CSGALNACT1: variants seen among roughly 807,000 people sequenced by gnomAD.
CSGALNACT1 encodes the protein beta4GalNAcT-1.
Under a neutral mutation model 51.0 loss-of-function variants are expected in CSGALNACT1, and 52 were observed. The observed-to-expected ratio is 1.02, with a 90% CI of 0.82 to 1.29. The LOEUF (loss-of-function observed/expected upper bound fraction) is 1.29. Ranked by LOEUF, CSGALNACT1 falls within the 50% of genes most tolerant of loss-of-function variation. The pLI is 0.00. For synonymous variants in CSGALNACT1, 341 were observed against 254.4 expected (o/e 1.34, Z -3.24); for missense variants, 935 against 679.2 (o/e 1.38, Z -4.19).
intron 3 of CSGALNACT1, among the ~76,000 whole-genome samples, chr8:19,543,722 C>T (rs1263775169): frequency 3.9e-5 from 6 of 152,172 alleles, no homozygotes; most frequent in African/African-American, 1.2e-4. Context: ...CTCCAGACTA[C>T]ACTCATCTCT....
chr8:19,545,433 T>C (rs982274709), intron 3 of CSGALNACT1, among the ~76,000 whole-genome samples: 34 of 152,348 alleles, frequency 2.2e-4, no homozygotes, highest in South Asian at 2.1e-4. Context: ...CTCATGCCTA[T>C]AACTTTTGTC....
chr8:19,723,192 A>G (rs1475308593), intron 1 of CSGALNACT1, among the ~76,000 whole-genome samples: 3 of 152,322 alleles, frequency 2.0e-5, no homozygotes, highest in East Asian at 3.9e-4. Flanking sequence ...AAAATTTAAG[A>G]TCAGTCTTAT....
chr8:19,681,124 TTAC>T (rs1192784015), intron 1 of CSGALNACT1, among the ~76,000 whole-genome samples: 1 of 152,088 alleles, frequency 6.6e-6, no homozygotes, highest in African/African-American at 2.4e-5. Context: ...AGGGACGACC[TTAC>T]TACTATCACA....
chr8:19,599,313 G>A (rs2049713874), intron 2 of CSGALNACT1, among the ~76,000 whole-genome samples: 1 of 151,442 alleles, frequency 6.6e-6, no homozygotes, highest in African/African-American at 2.4e-5. Flanking sequence ...AGTGAGCAGT[G>A]ACAAGATACA....
intron 3 of CSGALNACT1, among the ~76,000 whole-genome samples, chr8:19,573,915 G>A (rs560942241): frequency 1.6e-4 from 24 of 152,234 alleles, no homozygotes; most frequent in African/African-American, 5.8e-4. Flanking sequence ...CATTCTTTGG[G>A]CCTGGCAGAT....
intron 1 of CSGALNACT1, among the ~76,000 whole-genome samples, chr8:19,627,872 C>T (rs1027716336): frequency 2.0e-5 from 3 of 152,172 alleles, no homozygotes; most frequent in Non-Finnish European, 4.4e-5. Context: ...AATCTGAATA[C>T]AGTCAGTAGT....
intron 1 of CSGALNACT1, among the ~76,000 whole-genome samples, chr8:19,635,256 T>G (rs6586853): frequency 6.6e-6 from 1 of 152,170 alleles, no homozygotes; most frequent in Admixed American, 6.5e-5. Flanking sequence ...CTGTCTGAAC[T>G]CCTTGGCGAG....
intron 3 of CSGALNACT1, among the ~76,000 whole-genome samples, chr8:19,530,093 G>A (rs181727040): frequency 5.9e-4 from 90 of 152,074 alleles, no homozygotes; most frequent in African/African-American, 2.0e-3. Context: ...ATAGTGGTGC[G>A]TGCCTGTAAT....
chr8:19,606,135 A>G (rs2051330598), upstream of CSGALNACT1, among the ~76,000 whole-genome samples: 2 of 152,094 alleles, frequency 1.3e-5, no homozygotes, highest in Admixed American at 1.3e-4. Flanking sequence ...AAGGCTAAAA[A>G]CCCTCTTCAC....
rs34752027 is a variant in CSGALNACT1, at chr8:19,586,407, G to GA, written c.-297+4752dup. On this transcript the variant is annotated intron_variant, in intron 3 of 9. Transcript: ENST00000454498. ...TGGAGACACGCACCGTAGTCTTATA[G>GA]AAAAAAAAAAAAAAAAGAAGAAGAA... Among the ~76,000 whole-genome samples the GA allele has an allele frequency of 6.4e-3, 602 of 94,756 alleles. 2 individuals are homozygous for GA. The highest frequency in any genetic ancestry group is 0.021 in the South Asian group (56 of 2,678). 62.2% of individuals were successfully genotyped at this position (94,756 alleles called of 152,430 possible). A position where few individuals can be genotyped will look rare whatever the true frequency, so the allele number is the denominator to read the frequency against.
chr8:19,510,296 G>C (rs181481147), intron 3 of CSGALNACT1, among the ~76,000 whole-genome samples: 135 of 152,218 alleles, frequency 8.9e-4, no homozygotes, highest in African/African-American at 2.6e-3. Context: ...ATGGGAGAAG[G>C]CTTCTTCATG....
intron 1 of CSGALNACT1, among the ~76,000 whole-genome samples, chr8:19,690,666 T>A (rs778294949): frequency 6.6e-6 from 1 of 152,218 alleles, no homozygotes; most frequent in Non-Finnish European, 1.5e-5. Context: ...GGAATTCACA[T>A]TTGCAGTTTG....
chr8:19,611,887 A>C (rs776801373), intron 1 of CSGALNACT1, among the ~76,000 whole-genome samples: 5 of 151,952 alleles, frequency 3.3e-5, no homozygotes, highest in African/African-American at 4.8e-5. Flanking sequence ...CTCACTGATG[A>C]CTGTAAACGT....
intron 6 of CSGALNACT1, among the ~76,000 whole-genome samples, chr8:19,427,926 C>T (rs1378082299): frequency 1.3e-5 from 2 of 152,186 alleles, no homozygotes; most frequent in African/African-American, 4.8e-5. Flanking sequence ...ATCAGTGTAT[C>T]TCCCTGTGCC....
chr8:19,712,695 G>A (rs1197543387), intron 1 of CSGALNACT1, among the ~76,000 whole-genome samples: 1 of 152,120 alleles, frequency 6.6e-6, no homozygotes, highest in Non-Finnish European at 1.5e-5. Context: ...GTGCCTTCCT[G>A]GCCAAAACAG....
chr8:19,646,315 C>G (rs747732625), intron 1 of CSGALNACT1, among the ~76,000 whole-genome samples: 15 of 152,180 alleles, frequency 9.9e-5, no homozygotes, highest in Non-Finnish European at 1.8e-4. Context: ...TCCCCAGAGG[C>G]TGAAGAAAGA....
At chr8:19,582,184 T>A (rs2045725538) in intron 3 of CSGALNACT1, among the ~76,000 whole-genome samples, 1 of 152,240 alleles carries the variant, frequency 6.6e-6, no homozygotes, top group South Asian at 2.1e-4. Flanking sequence ...CAAGTGACTA[T>A]ATTCCTCCAT....
At chr8:19,738,784 T>C (rs976563827) in intron 1 of CSGALNACT1, among the ~76,000 whole-genome samples, 1 of 152,200 alleles carries the variant, frequency 6.6e-6, no homozygotes, top group African/African-American at 2.4e-5. Context: ...AAAATAATTA[T>C]TCATATAAAC....
intron 6 of CSGALNACT1, among the ~76,000 whole-genome samples, chr8:19,438,956 T>C (rs889617663): frequency 2.0e-5 from 3 of 152,206 alleles, no homozygotes; most frequent in Non-Finnish European, 4.4e-5. Context: ...AGGACACTGT[T>C]TATATCTAAA....
Sources: gnomAD v4.1 joint callset for allele counts (sites outside exome capture counted in the v4.1 genomes callset) on GRCh38, gnomAD v4.1.1 for gene constraint, MANE v1.5 for transcripts, NCBI Gene and HGNC (gene_info 2026-07-23, HGNC 2026-07-21) for gene names.